IL1RL1: variants seen among roughly 807,000 people sequenced by gnomAD.
The protein encoded by IL1RL1 is interleukin-1 receptor-like 1.
In IL1RL1, 32 loss-of-function variants were observed where a neutral mutation model predicts 50.9. That is an observed-to-expected ratio of 0.63 (90% CI 0.47 to 0.84). IL1RL1 has a LOEUF of 0.84. Ranked by LOEUF, IL1RL1 falls within the 40% of genes least tolerant of loss-of-function variation. The probability of loss-of-function intolerance (pLI) is 0.00; values close to 1 mark genes in which losing one functional copy is unlikely to be tolerated. For missense variants in IL1RL1, 773 were observed against 662.9 expected, an observed-to-expected ratio of 1.17 and a Z score of -1.82; for synonymous variants, 275 against 236.0, an observed-to-expected ratio of 1.17 and a Z score of -1.51.
At chr2:102,312,317 G>T (rs1222550281) in intron 1 of IL1RL1, among the ~76,000 whole-genome samples, 1 of 149,626 alleles carries the variant, frequency 6.7e-6, no homozygotes, top group Non-Finnish European at 1.5e-5. Flanking sequence ...AATAATCATT[G>T]TTATCAATTT....
rs1677436504 is a variant in IL1RL1 at position 102,338,955 on chromosome 2, G to C, written c.180G>C (p.Gln60His). The change falls in exon 3 of 11, where the codon CAG becomes CAC. Residue 60 changes from glutamine to histidine, a missense_variant. Gln to His is a conservative substitution (Grantham distance 24). Coordinates refer to ENST00000233954, the MANE Select transcript of IL1RL1 (RefSeq NM_016232.5). ...YSQTNKSIPT[Q>H]ERNRVFASGQ... ...AAACAAACAAAAGTATTCCCACTCA[G>C]GAAAGAAATCGTGTGTTTGCCTCAG... The C allele has an allele frequency of 1.9e-6, 3 of 1,613,922 alleles. No homozygotes were observed. The East Asian group carries it at 6.7e-5, about 36-fold the overall frequency.
Position 102,343,799 on chromosome 2 carries a change from G to T in IL1RL1, c.970+384G>T, listed in dbSNP as rs114464599. The T allele has an allele frequency of 2.7e-4, 295 of 1,096,196 alleles. No individual in the cohort carries two copies. The African/African-American group carries it at 3.8e-3, about 14-fold the overall frequency. 67.9% of individuals were successfully genotyped at this position (1,096,196 alleles called of 1,614,324 possible). On this transcript the variant is annotated intron_variant, in intron 8 of 10. Coordinates refer to ENST00000233954, the MANE Select transcript of IL1RL1 (RefSeq NM_016232.5). ...TCTTTTATAACTTGCATTACATGTT[G>T]TAAGCATGGTCCGTTCTATACCTTT...
At chr2:102,329,450 C>T (rs1350016753) in intron 1 of IL1RL1, among the ~76,000 whole-genome samples, 6 of 152,162 alleles carry the variant, frequency 3.9e-5, no homozygotes, top group Non-Finnish European at 1.5e-5. Context: ...ATGTCTAAAA[C>T]ACCAAAAGCA....
At chr2:102,322,974 T>C (rs1420088) in intron 1 of IL1RL1, among the ~76,000 whole-genome samples, 72,706 of 151,930 alleles carry the variant, frequency 0.48, 17,678 homozygotes, top group Middle Eastern at 0.64. Context: ...TGTTTGGAAA[T>C]GAACTCAGAG....
At chr2:102,321,070 A>G (rs555529003) in intron 1 of IL1RL1, among the ~76,000 whole-genome samples, 135 of 152,256 alleles carry the variant, frequency 8.9e-4, no homozygotes, top group African/African-American at 3.0e-3. Context: ...TGGCCCTCGG[A>G]CACACCAGGC....
In IL1RL1 at chr2:102,331,135, G is replaced by A. The variant is rs1677167828; in HGVS notation, c.-149-6981G>A. Among the ~76,000 whole-genome samples, 6 of 152,204 alleles carry A rather than the reference G, an allele frequency of 3.9e-5. No homozygotes were observed. The South Asian group carries it at 1.0e-3, about 26-fold the overall frequency. On this transcript the variant is annotated intron_variant, in intron 1 of 10. Transcript: ENST00000233954. ...GCCCATACCACACTGTTTTCACTAT[G>A]GTAGCTTTTATATTAAGTCTTAAGG... is the stretch of plus-strand genomic sequence containing the variant.
intron 1 of IL1RL1, among the ~76,000 whole-genome samples, chr2:102,323,247 TTATATATA>T (rs371889389): frequency 1.0e-5 from 1 of 98,718 alleles, no homozygotes; most frequent in Admixed American, 9.4e-5. Context: ...TTGTTAGGTT[TTATATATA>T]TATATATATA....
rs531926027 is a variant in IL1RL1, at chr2:102,343,692, C to G, written c.970+277C>G. The G allele has an allele frequency of 6.2e-5, 84 of 1,355,126 alleles. 1 individual carries two copies. The East Asian group carries it at 2.2e-3, about 36-fold the overall frequency. 83.9% of individuals were successfully genotyped at this position (1,355,126 alleles called of 1,614,324 possible). ...CTGCTTCTTTGGTCATCCTTGTTTT[C>G]TAACTTTATGAACTCCCTCTGTGTC... On this transcript the variant is annotated intron_variant, in intron 8 of 10. Transcript: ENST00000233954.
At chr2:102,344,984 A>T (rs1026208722) in intron 8 of IL1RL1, 2 of 947,098 alleles carry the variant, frequency 2.1e-6, no homozygotes, top group African/African-American at 3.5e-5. Context: ...CAGACACTAT[A>T]TAATCTTTTA....
At position 102,338,910 on chromosome 2, in the gene IL1RL1, C is replaced by T. The variant is rs190188722; in HGVS notation, c.135C>T (p.Thr45=). The change falls in exon 3 of 11, where the codon ACC becomes ACT. Residue 45 remains threonine, a synonymous_variant. Coordinates refer to ENST00000233954, the MANE Select transcript of IL1RL1 (RefSeq NM_016232.5). ...RCPRQGKPSY[T]VDWYYSQTNK... ...CTAGACAAGGAAAACCTAGTTACACCGTGGATTGGTATTACTCACAAACAA... is the reference window on the plus strand; with the variant it reads ...CTAGACAAGGAAAACCTAGTTACACTGTGGATTGGTATTACTCACAAACAA... The T allele has an allele frequency of 1.2e-4, 196 of 1,613,580 alleles. No homozygotes were observed. The highest frequency in any genetic ancestry group is 2.0e-4 in the Admixed American group (12 of 59,976).
chr2:102,320,929 G>T (rs1017110008), intron 1 of IL1RL1, among the ~76,000 whole-genome samples: 1 of 152,160 alleles, frequency 6.6e-6, no homozygotes, highest in Non-Finnish European at 1.5e-5. Flanking sequence ...ACACTCCAGT[G>T]GTCTTCATCA....
intron 1 of IL1RL1, among the ~76,000 whole-genome samples, chr2:102,325,406 A>G (rs1479170863): frequency 2.6e-5 from 4 of 151,952 alleles, no homozygotes; most frequent in African/African-American, 9.7e-5. Flanking sequence ...TGGGGAAAAA[A>G]CAGAGCAGAA....
Position 102,338,927 on chromosome 2 carries a change from C to CACAA in IL1RL1, c.162_165dup (p.Ser56GlnfsTer27). On this transcript the variant is annotated frameshift_variant, in exon 3 of 11. Transcript: ENST00000233954. LOFTEE classifies it high-confidence loss of function. ...AGTTACACCGTGGATTGGTATTACT[C>CACAA]ACAAACAAACAAAAGTATTCCCACT... The CACAA allele has an allele frequency of 1.2e-6, 2 of 1,613,746 alleles. No individual in the cohort carries two copies. The highest frequency in any genetic ancestry group is 2.2e-5 in the South Asian group (2 of 91,064).
chr2:102,319,345 C>A (rs10182639), intron 1 of IL1RL1, among the ~76,000 whole-genome samples: 72,782 of 151,910 alleles, frequency 0.48, 17,722 homozygotes, highest in Middle Eastern at 0.64. Context: ...CTCTTAACAA[C>A]TATGCTTTGA....
intron 1 of IL1RL1, among the ~76,000 whole-genome samples, chr2:102,319,473 T>C (rs959419332): frequency 6.6e-6 from 1 of 152,200 alleles, no homozygotes; most frequent in Non-Finnish European, 1.5e-5. Context: ...AATATTAGCC[T>C]TCACACTTAA....
At chr2:102,342,765 G>A (rs1156842183) in intron 6 of IL1RL1, among the ~76,000 whole-genome samples, 2 of 152,142 alleles carry the variant, frequency 1.3e-5, no homozygotes, top group Admixed American at 6.6e-5. Flanking sequence ...TGTGGGGTTG[G>A]TGAAGGCAGA....
chr2:102,342,085 GTGTT>G (rs1388501235), intron 5 of IL1RL1, 134 bp from the exon 6 acceptor site: 50 of 507,794 alleles, frequency 9.8e-5, no homozygotes, highest in African/African-American at 4.2e-5. Flanking sequence ...GTGTGTGTGT[GTGTT>G]TGTCATTATG....
At chr2:102,344,036 C>A in intron 8 of IL1RL1, 3 of 412,342 alleles carry the variant, frequency 7.3e-6, no homozygotes, top group Non-Finnish European at 9.8e-6. Flanking sequence ...GTTCTGCAGG[C>A]TGTATGGGAA....
At chr2:102,330,481 A>C (rs1015336421) in intron 1 of IL1RL1, among the ~76,000 whole-genome samples, 1 of 150,984 alleles carries the variant, frequency 6.6e-6, no homozygotes, top group Non-Finnish European at 1.5e-5. Context: ...CCTAAAACTT[A>C]AAGTATAATA....
Sources: allele counts gnomAD v4.1 joint callset (sites outside exome capture counted in the v4.1 genomes callset), GRCh38; gene constraint gnomAD v4.1.1; transcripts MANE v1.5; gene names NCBI Gene and HGNC (gene_info 2026-07-23, HGNC 2026-07-21).